The following GSE1 variants were observed in gnomAD, a reference collection of about 807,000 sequenced individuals.
GSE1 encodes the protein Gse1 coiled-coil protein, also known as genetic suppressor element 1.
GSE1 carries 32 observed loss-of-function variants against 112.6 expected under a neutral mutation model. That is an observed-to-expected ratio of 0.28 (90% confidence interval 0.21 to 0.38). GSE1 has a LOEUF of 0.38. Among genes scored for constraint, GSE1 ranks in the 10% least tolerant of loss-of-function variants. The pLI, the probability that GSE1 is intolerant of heterozygous loss-of-function variation, is 1.00. For missense variants in GSE1, 2,348 were observed against 1,699.2 expected (o/e 1.38, Z -6.71); for synonymous variants, 1,115 against 735.6 (o/e 1.52, Z -8.35).
intron 1 of GSE1, among the ~76,000 whole-genome samples, chr16:85,624,184 G>C (rs1176418279): frequency 6.6e-6 from 1 of 152,206 alleles, no homozygotes; most frequent in African/African-American, 2.4e-5. Flanking sequence ...GCCCGCCCTG[G>C]GGTGGGGGAG....
upstream of GSE1, among the ~76,000 whole-genome samples, chr16:85,611,820 C>T (rs1414376490): frequency 2.0e-5 from 3 of 150,812 alleles, no homozygotes; most frequent in East Asian, 2.0e-4. Context: ...GGGTGGCAGG[C>T]GCCCAGCGCT....
At chr16:85,423,521 A>T (rs1399348337) in intron 2 of GSE1, among the ~76,000 whole-genome samples, 1 of 152,174 alleles carries the variant, frequency 6.6e-6, no homozygotes, top group Non-Finnish European at 1.5e-5. Context: ...CCAGGGCCTC[A>T]ACACAGGCTG....
intron 1 of GSE1, among the ~76,000 whole-genome samples, chr16:85,615,756 C>G (rs2048331571): frequency 1.3e-5 from 2 of 152,216 alleles, no homozygotes; most frequent in Non-Finnish European, 2.9e-5. Context: ...GCTTGTACAT[C>G]TCCAAACTCG....
rs772732120 is a variant in GSE1, at chr16:85,654,464, C to T, written c.599+14C>T. ...CCCGCCACTCAAGTAAGTTGGTCGG[C>T]GGGGACTTCGGTGAGGTGGCCAGGT... is the stretch of plus-strand genomic sequence containing the variant. On this transcript the variant is annotated intron_variant, in intron 4 of 15. Coordinates refer to ENST00000253458, the MANE Select transcript of GSE1 (RefSeq NM_014615.5). 4.0e-5 allele frequency: 62 copies of T among 1,553,590 alleles called. No homozygotes were observed. Among genetic ancestry groups the T allele is most frequent in the East Asian group, 9.0e-5 (4 of 44,392 alleles).
chr16:85,235,428 C>CTCTGTGTGTGTG (rs775585078), intron 1 of GSE1, among the ~76,000 whole-genome samples: 1,348 of 126,364 alleles, frequency 0.011, 21 homozygotes, highest in Middle Eastern at 0.014. Flanking sequence ...TGGAAGGGTA[C>CTCTGTGTGTGTG]TGTGTGTGTG....
intron 2 of GSE1, among the ~76,000 whole-genome samples, chr16:85,370,537 G>T (rs142143834): frequency 2.6e-5 from 4 of 152,308 alleles, no homozygotes; most frequent in African/African-American, 9.6e-5. Context: ...CCCCTCAGGG[G>T]AAAAGAACCT....
intron 2 of GSE1, among the ~76,000 whole-genome samples, chr16:85,403,294 GT>G (rs1184661685): frequency 6.6e-6 from 1 of 152,184 alleles, no homozygotes; most frequent in East Asian, 1.9e-4. Context: ...CCTGTGCCAT[GT>G]TCCATTCATT....
At chr16:85,268,156 T>A (rs538640639) in intron 1 of GSE1, among the ~76,000 whole-genome samples, 1 of 152,152 alleles carries the variant, frequency 6.6e-6, no homozygotes, top group African/African-American at 2.4e-5. Context: ...TCCTGCTGCC[T>A]TGGGGGGATT....
intron 1 of GSE1, among the ~76,000 whole-genome samples, chr16:85,324,798 A>G (rs1250691852): frequency 6.6e-6 from 1 of 152,004 alleles, no homozygotes; most frequent in African/African-American, 2.4e-5. Flanking sequence ...GGGGAAGGCG[A>G]TTCCGTCGGG....
intron 1 of GSE1, among the ~76,000 whole-genome samples, chr16:85,624,892 A>AGCCCCCGGCTCTGTCTCT (rs2048967462): frequency 6.6e-6 from 1 of 152,128 alleles, no homozygotes; most frequent in African/African-American, 2.4e-5. Context: ...GCTCTGTCTC[A>AGCCCCCGGCTCTGTCTCT]GCTGAGCTGT....
At chr16:85,256,472 G>A (rs1454649143) in intron 1 of GSE1, among the ~76,000 whole-genome samples, 1 of 152,238 alleles carries the variant, frequency 6.6e-6, no homozygotes, top group Non-Finnish European at 1.5e-5. Context: ...TGGTGCAGAT[G>A]GGGTAGCTGA....
chr16:85,255,652 C>T (rs1489944621), intron 1 of GSE1, among the ~76,000 whole-genome samples: 6 of 152,124 alleles, frequency 3.9e-5, no homozygotes, highest in Non-Finnish European at 5.9e-5. Flanking sequence ...ATCTGCCTGC[C>T]TTGGCCTCCC....
chr16:85,516,120 G>C (rs946135167), intron 2 of GSE1, among the ~76,000 whole-genome samples: 1 of 152,208 alleles, frequency 6.6e-6, no homozygotes, highest in Non-Finnish European at 1.5e-5. Flanking sequence ...CCAGAGCTAA[G>C]TCTGTGGTCC....
intron 2 of GSE1, among the ~76,000 whole-genome samples, chr16:85,442,704 G>A (rs1408404961): frequency 6.6e-6 from 1 of 152,196 alleles, no homozygotes; most frequent in Non-Finnish European, 1.5e-5. Flanking sequence ...AGGTGGAGAG[G>A]CAGCCCCTGG....
chr16:85,668,054 C>G (rs1347248593), intron 13 of GSE1, 86 bp from the exon 14 acceptor site: 5 of 1,044,426 alleles, frequency 4.8e-6, no homozygotes, highest in Non-Finnish European at 7.1e-6. Context: ...TGACTCTGCA[C>G]CAAGGGCAGA....
chr16:85,412,656 A>G (rs1428039057), intron 2 of GSE1, among the ~76,000 whole-genome samples: 2 of 48,662 alleles, frequency 4.1e-5, no homozygotes, highest in African/African-American at 8.3e-5. Flanking sequence ...TCACCGTTAC[A>G]CTCAGGGCCC....
intron 1 of GSE1, among the ~76,000 whole-genome samples, chr16:85,290,575 A>G (rs1249131708): frequency 6.6e-6 from 1 of 152,162 alleles, no homozygotes; most frequent in Non-Finnish European, 1.5e-5. Flanking sequence ...CCAAGGACGC[A>G]GACCAAAATC....
chr16:85,548,704 C>T (rs1014905002), intron 2 of GSE1, among the ~76,000 whole-genome samples: 6 of 152,136 alleles, frequency 3.9e-5, no homozygotes, highest in Non-Finnish European at 5.9e-5. Flanking sequence ...TGGTGATAAA[C>T]GTGGGGGTGC....
At chr16:85,394,585 G>GCA (rs138568831) in intron 2 of GSE1, among the ~76,000 whole-genome samples, 4 of 152,102 alleles carry the variant, frequency 2.6e-5, no homozygotes, top group Non-Finnish European at 5.9e-5. Context: ...CAGCCCCCGC[G>GCA]CACACACACA....
Sources: gnomAD v4.1 joint callset for allele counts (sites outside exome capture counted in the v4.1 genomes callset) on GRCh38, gnomAD v4.1.1 for gene constraint, MANE v1.5 for transcripts, NCBI Gene and HGNC (gene_info 2026-07-23, HGNC 2026-07-21) for gene names.